Variants in CA2 observed in about 807,000 individuals in gnomAD.
The protein encoded by CA2 is carbonic anhydrase 2, also known as carbonate dehydratase II.
In CA2, 23 loss-of-function variants were observed where a neutral mutation model predicts 27.8. The ratio of observed to expected loss-of-function variants is 0.83; its 90% CI spans 0.59 to 1.17. CA2 has a LOEUF of 1.17. CA2 is among the 50% of genes most tolerant of loss of function. The pLI, the probability that CA2 is intolerant of heterozygous loss-of-function variation, is 0.00. For missense variants in CA2, 300 were observed against 314.7 expected (o/e 0.95, Z 0.35); for synonymous variants, 99 against 114.9 (o/e 0.86, Z 0.88).
At chr8:85,471,666 T>C (rs1402482415) in intron 2 of CA2, among the ~76,000 whole-genome samples, 1 of 152,128 alleles carries the variant, frequency 6.6e-6, no homozygotes, top group Non-Finnish European at 1.5e-5. Flanking sequence ...GAGTTAATGA[T>C]TTGACAAATG....
chr8:85,466,126 GTA>G (rs1491274440), intron 2 of CA2, among the ~76,000 whole-genome samples: 1 of 32,472 alleles, frequency 3.1e-5, no homozygotes, highest in East Asian at 2.6e-3. Flanking sequence ...GATGCTCACT[GTA>G]AAAAAAAAAA....
intron 2 of CA2, among the ~76,000 whole-genome samples, chr8:85,468,209 G>A (rs1811657929): frequency 1.3e-5 from 2 of 152,188 alleles, no homozygotes; most frequent in Admixed American, 1.3e-4. Flanking sequence ...TTGATGTCTT[G>A]GACGAGAGTC....
intron 2 of CA2, among the ~76,000 whole-genome samples, chr8:85,469,575 C>T (rs2130551174): frequency 6.6e-6 from 1 of 152,220 alleles, no homozygotes; most frequent in Admixed American, 6.5e-5. Flanking sequence ...TAAAAAATAA[C>T]TCACCCTGCT....
chr8:85,473,824 T>G lies in CA2; in HGVS notation c.351+13T>G. On this transcript the variant is annotated intron_variant, in intron 3 of 6. Transcript: ENST00000285379. ...ATATGCTGCAGAAGTAAGATATACTTTTTTTTTTCTTTCCAGGGAAAAATG... is the reference window on the plus strand; with the variant it reads ...ATATGCTGCAGAAGTAAGATATACTGTTTTTTTTCTTTCCAGGGAAAAATG... The G allele has an allele frequency of 7.5e-7, 1 of 1,327,106 alleles. No individual in the cohort carries two copies. The highest frequency in any genetic ancestry group is 1.4e-5 in the African/African-American group (1 of 69,366). 82.2% of individuals were successfully genotyped at this position (1,327,106 alleles called of 1,614,324 possible).
At position 85,464,039 on chromosome 8, in the gene CA2, G is replaced by A; in HGVS notation, c.-43G>A. ...GCAGGCGCCCAAGCCGCCGCCGCCA[G>A]ATCGGTGCCGATTCCTGCCCTGCCC... On this transcript the variant is annotated 5_prime_UTR_variant, in exon 1 of 7. Coordinates refer to ENST00000285379, the MANE Select transcript of CA2 (RefSeq NM_000067.3). The A allele has an allele frequency of 1.3e-6, 2 of 1,539,542 alleles. No homozygotes were observed. Among genetic ancestry groups the A allele is most frequent in the South Asian group, 1.2e-5 (1 of 83,930 alleles).
chr8:85,473,010 TAATAAATA>T (rs35554360), intron 2 of CA2, among the ~76,000 whole-genome samples: 16 of 141,480 alleles, frequency 1.1e-4, no homozygotes, highest in South Asian at 9.3e-4. Flanking sequence ...ATAATAATAA[TAATAAATA>T]AATAAATAAA....
At position 85,479,087 on chromosome 8, in the gene CA2, G is replaced by A. The variant is rs368701492; in HGVS notation, c.664-1583G>A. ...CCACTGAGGCTTACAGGGAGAGGGC[G>A]GATGTCTGTTAATGAGGAAGTATGG... On this transcript the variant is annotated intron_variant, in intron 6 of 6. Transcript: ENST00000285379. Among the ~76,000 whole-genome samples the A allele has an allele frequency of 4.6e-5, 7 of 151,428 alleles. No homozygotes were observed. In the East Asian group the frequency reaches 6.0e-4, roughly 13 times the overall value.
chr8:85,473,010 T>TA (rs780113099), intron 2 of CA2, among the ~76,000 whole-genome samples: 5 of 141,474 alleles, frequency 3.5e-5, no homozygotes, highest in Admixed American at 7.4e-5. Context: ...ATAATAATAA[T>TA]AATAAATAAA....
chr8:85,473,146 A>C (rs1477889369), intron 2 of CA2, among the ~76,000 whole-genome samples: 1 of 152,182 alleles, frequency 6.6e-6, no homozygotes, highest in East Asian at 1.9e-4. Context: ...TGTTAAGATC[A>C]ATGGAATACT....
At chr8:85,467,451 CA>C (rs1811646938) in intron 2 of CA2, among the ~76,000 whole-genome samples, 1 of 152,194 alleles carries the variant, frequency 6.6e-6, no homozygotes, top group African/African-American at 2.4e-5. Flanking sequence ...GTGCCTGGCG[CA>C]TAGAAGTTGC....
intron 2 of CA2, among the ~76,000 whole-genome samples, chr8:85,472,238 ATAAAG>A (rs1238199263): frequency 6.6e-6 from 1 of 152,258 alleles, no homozygotes; most frequent in Admixed American, 6.5e-5. Flanking sequence ...TTATGGAATT[ATAAAG>A]TAAAGCTAAT....
Position 85,464,047 on chromosome 8 carries a change from C to A in CA2, c.-35C>A. 6.5e-7 allele frequency: 1 copy of A among 1,542,018 alleles called. No homozygotes were observed. ...CCAAGCCGCCGCCGCCAGATCGGTG[C>A]CGATTCCTGCCCTGCCCCGACCGCC... On this transcript the variant is annotated 5_prime_UTR_variant, in exon 1 of 7. Transcript: ENST00000285379.
At chr8:85,465,496 C>G in intron 2 of CA2, 27 bp downstream of exon 2, 3 of 1,583,588 alleles carry the variant, frequency 1.9e-6, no homozygotes, top group Non-Finnish European at 2.6e-6. Flanking sequence ...TAACTTGTGT[C>G]TTTTAGCCAG....
At chr8:85,471,383 ATC>A (rs1487557350) in intron 2 of CA2, among the ~76,000 whole-genome samples, 1 of 35,536 alleles carries the variant, frequency 2.8e-5, no homozygotes, top group Non-Finnish European at 4.7e-5. Context: ...AGAGCACTTT[ATC>A]TTTTTTTTTT....
intron 2 of CA2, among the ~76,000 whole-genome samples, chr8:85,466,350 TG>T (rs1235737430): frequency 6.6e-6 from 1 of 152,002 alleles, no homozygotes; most frequent in South Asian, 2.1e-4. Flanking sequence ...GGTGGTGGTG[TG>T]GGAGTGAGGG....
At chr8:85,476,453 C>T (rs969894071) in intron 5 of CA2, among the ~76,000 whole-genome samples, 1 of 152,194 alleles carries the variant, frequency 6.6e-6, no homozygotes, top group African/African-American at 2.4e-5. Context: ...ATTGAAGCAG[C>T]ATCTATCCTC....
At position 85,477,161 on chromosome 8, in the gene CA2, C is replaced by G. The variant is rs151021025; in HGVS notation, c.549C>G (p.Leu183=). ...ADFTNFDPRG[L]LPESLDYWTY... The stretch of plus-strand genomic sequence containing the variant: ...TCACTAACTTCGATCCTCGTGGCCT[C>G]CTTCCTGAATCCTTGGATTACTGGA... Residue 183 remains leucine (L), a synonymous_variant, in exon 6 of 7, where the codon CTC becomes CTG. Transcript: ENST00000285379. 6.8e-5 allele frequency: 110 copies of G among 1,614,082 alleles called. No individual in the cohort carries two copies. In the African/African-American group the frequency reaches 1.3e-3, roughly 19 times the overall value.
At position 85,473,820 on chromosome 8, in the gene CA2, T is replaced by C. The variant is rs750300261; in HGVS notation, c.351+9T>C. The C allele has an allele frequency of 7.2e-7, 1 of 1,396,514 alleles. No homozygotes were observed. The highest frequency in any genetic ancestry group is 1.0e-6 in the Non-Finnish European group (1 of 981,584). 86.5% of individuals were successfully genotyped at this position (1,396,514 alleles called of 1,614,324 possible). A position where few individuals can be genotyped will look rare whatever the true frequency, so the allele number is the denominator to read the frequency against. On this transcript the variant is annotated intron_variant, in intron 3 of 6. Coordinates refer to ENST00000285379, the MANE Select transcript of CA2 (RefSeq NM_000067.3). The stretch of plus-strand genomic sequence containing the variant: ...AGAAATATGCTGCAGAAGTAAGATA[T>C]ACTTTTTTTTTTCTTTCCAGGGAAA...
intron 2 of CA2, among the ~76,000 whole-genome samples, chr8:85,470,833 TTAGAG>T (rs1490449824): frequency 6.6e-6 from 1 of 151,906 alleles, no homozygotes; most frequent in Admixed American, 6.6e-5. Context: ...GAAAAAAACA[TTAGAG>T]TAGAAAACTG....
Sources: gnomAD v4.1 joint callset for allele counts (sites outside exome capture counted in the v4.1 genomes callset) on GRCh38, gnomAD v4.1.1 for gene constraint, MANE v1.5 for transcripts, NCBI Gene and HGNC (gene_info 2026-07-23, HGNC 2026-07-21) for gene names.